The following ZDHHC14 variants were observed in gnomAD, a reference collection of about 807,000 sequenced individuals.
ZDHHC14 encodes the protein palmitoyltransferase ZDHHC14.
Under a neutral mutation model 47.7 loss-of-function variants are expected in ZDHHC14, and 16 were observed. The ratio of observed to expected loss-of-function variants is 0.34; its 90% CI spans 0.23 to 0.51. The LOEUF is 0.51. ZDHHC14 is among the 20% of genes least tolerant of loss of function. The pLI is 0.97. For missense variants in ZDHHC14, 515 were observed against 662.5 expected (o/e 0.78, Z 2.44); for synonymous variants, 293 against 278.9 (o/e 1.05, Z -0.50).
intron 1 of ZDHHC14, among the ~76,000 whole-genome samples, chr6:157,473,685 A>G (rs756886425): frequency 2.6e-5 from 4 of 152,350 alleles, no homozygotes; most frequent in South Asian, 2.1e-4. Flanking sequence ...GAGTGCCAAC[A>G]TGACACCAAA....
chr6:157,548,301 C>G (rs1312341341), intron 2 of ZDHHC14, among the ~76,000 whole-genome samples: 1 of 152,194 alleles, frequency 6.6e-6, no homozygotes, highest in South Asian at 2.1e-4. Flanking sequence ...CCCTTTCAGC[C>G]TCTCACGCAC....
At chr6:157,422,024 A>T (rs1446868201) in intron 1 of ZDHHC14, among the ~76,000 whole-genome samples, 2 of 152,210 alleles carry the variant, frequency 1.3e-5, no homozygotes, top group African/African-American at 4.8e-5. Context: ...CAGGCGATTT[A>T]GCTCCACTTA....
chr6:157,461,790 C>T (rs1031031545), intron 1 of ZDHHC14, among the ~76,000 whole-genome samples: 6 of 152,228 alleles, frequency 3.9e-5, no homozygotes, highest in Admixed American at 3.9e-4. Flanking sequence ...AGTTCCTGCA[C>T]TTCCCATCCA....
intron 8 of ZDHHC14, among the ~76,000 whole-genome samples, chr6:157,663,314 T>A (rs1388118717): frequency 6.6e-6 from 1 of 152,182 alleles, no homozygotes; most frequent in Non-Finnish European, 1.5e-5. Flanking sequence ...CAGACTCTAC[T>A]CAATCCAAGA....
chr6:157,409,849 G>A (rs943237060), intron 1 of ZDHHC14, among the ~76,000 whole-genome samples: 5 of 151,488 alleles, frequency 3.3e-5, no homozygotes, highest in East Asian at 3.9e-4. Context: ...TGGGGGGGGG[G>A]ACAGAGTCTT....
At chr6:157,489,435 GT>G (rs149802681) in intron 1 of ZDHHC14, among the ~76,000 whole-genome samples, 32,514 of 147,196 alleles carry the variant, frequency 0.22, 3,584 homozygotes, top group East Asian at 0.38. Context: ...TCTTTCAGTT[GT>G]TTTTTTTTTT....
chr6:157,405,263 C>T (rs1021465989), intron 1 of ZDHHC14, among the ~76,000 whole-genome samples: 1 of 152,112 alleles, frequency 6.6e-6, no homozygotes, highest in Non-Finnish European at 1.5e-5. Flanking sequence ...GATGGAGTCT[C>T]GCTGTCTCGC....
At chr6:157,671,682 A>G (rs1778803252) in intron 8 of ZDHHC14, among the ~76,000 whole-genome samples, 1 of 152,208 alleles carries the variant, frequency 6.6e-6, no homozygotes, top group Admixed American at 6.5e-5. Flanking sequence ...CACGAGGCAG[A>G]TATCATGTGA....
chr6:157,560,309 C>T (rs1782655738), intron 2 of ZDHHC14, among the ~76,000 whole-genome samples: 1 of 152,236 alleles, frequency 6.6e-6, no homozygotes, highest in African/African-American at 2.4e-5. Context: ...GCCTGTGGGG[C>T]AGCAGGTGCC....
chr6:157,575,899 T>C (rs1042566977), intron 2 of ZDHHC14, among the ~76,000 whole-genome samples: 6 of 152,248 alleles, frequency 3.9e-5, no homozygotes, highest in Non-Finnish European at 8.8e-5. Context: ...CAAACTGGGC[T>C]GGAACACCAT....
chr6:157,555,642 T>C (rs34526098), intron 2 of ZDHHC14, among the ~76,000 whole-genome samples: 38,261 of 151,938 alleles, frequency 0.25, 5,747 homozygotes, highest in African/African-American at 0.41. Flanking sequence ...CAACCCCTGA[T>C]AGCTTCTTTT....
At chr6:157,597,136 G>A (rs2114900453) in intron 3 of ZDHHC14, among the ~76,000 whole-genome samples, 1 of 152,246 alleles carries the variant, frequency 6.6e-6, no homozygotes, top group East Asian at 1.9e-4. Flanking sequence ...ATTTATCCAG[G>A]CGGGCTTTGA....
At chr6:157,393,747 C>CT (rs1411676899) in intron 1 of ZDHHC14, among the ~76,000 whole-genome samples, 4 of 152,286 alleles carry the variant, frequency 2.6e-5, no homozygotes, top group Middle Eastern at 3.4e-3. Flanking sequence ...CTTCCTTTAA[C>CT]TTCTAGGATG....
chr6:157,653,450 G>A lies in ZDHHC14; in HGVS notation c.966-75G>A, dbSNP rs558224664. On this transcript the variant is annotated intron_variant, in intron 7 of 8. Transcript: ENST00000359775. The stretch of plus-strand genomic sequence containing the variant: ...CACGGGAAGAGGGAGCCCCGACGCG[G>A]AACCTGAGATAGTGCTGCTGCATCT... The A allele has an allele frequency of 3.0e-4, 459 of 1,528,820 alleles. 5 individuals carry two copies. In the South Asian group the frequency reaches 4.9e-3, roughly 16 times the overall value. 94.7% of individuals were successfully genotyped at this position (1,528,820 alleles called of 1,614,324 possible). A position where few individuals can be genotyped will look rare whatever the true frequency, so the allele number is the denominator to read the frequency against.
intron 2 of ZDHHC14, among the ~76,000 whole-genome samples, chr6:157,552,539 A>G (rs923407785): frequency 6.6e-6 from 1 of 152,158 alleles, no homozygotes; most frequent in Non-Finnish European, 1.5e-5. Flanking sequence ...GTAACATGAA[A>G]GGCAGCTCAG....
intron 1 of ZDHHC14, among the ~76,000 whole-genome samples, chr6:157,486,789 G>A (rs1404471901): frequency 6.6e-6 from 1 of 152,202 alleles, no homozygotes; most frequent in Non-Finnish European, 1.5e-5. Flanking sequence ...GGGCAGGCGT[G>A]GCAAGGATGG....
intron 3 of ZDHHC14, among the ~76,000 whole-genome samples, chr6:157,595,993 G>T (rs763073948): frequency 6.6e-6 from 1 of 152,170 alleles, no homozygotes; most frequent in Non-Finnish European, 1.5e-5. Context: ...CGCAAGCCGC[G>T]GCCTCTGAGT....
chr6:157,653,446 C>G (rs944873206), intron 7 of ZDHHC14, 79 bp from the exon 8 acceptor site: 1 of 1,486,204 alleles, frequency 6.7e-7, no homozygotes, highest in African/African-American at 1.4e-5. Flanking sequence ...GGAGCCCCGA[C>G]GCGGAACCTG....
chr6:157,596,310 G>A (rs145647132), intron 3 of ZDHHC14, among the ~76,000 whole-genome samples: 1,543 of 152,232 alleles, frequency 0.01, 31 homozygotes, highest in African/African-American at 0.035. Flanking sequence ...TCTTTTTGCA[G>A]CAAGAGAAGT....
Sources: gnomAD v4.1 joint callset for allele counts (sites outside exome capture counted in the v4.1 genomes callset) on GRCh38, gnomAD v4.1.1 for gene constraint, MANE v1.5 for transcripts, NCBI Gene and HGNC (gene_info 2026-07-23, HGNC 2026-07-21) for gene names.